GPC6: variants seen among roughly 807,000 people sequenced by gnomAD.
GPC6 encodes glypican 6, also known as glypican-6.
A neutral mutation model predicts 55.2 loss-of-function variants in GPC6; 14 were observed. The observed-to-expected ratio is 0.25, with a 90% CI of 0.17 to 0.40. GPC6 has a LOEUF of 0.40. Ranked by LOEUF, GPC6 falls within the 10% of genes least tolerant of loss-of-function variation. The pLI is 1.00. For synonymous variants in GPC6, 278 were observed against 259.6 expected (o/e 1.07, Z -0.68); for missense variants, 641 against 708.5 (o/e 0.90, Z 1.08).
chr13:93,687,499 A>G (rs919259231), intron 2 of GPC6, among the ~76,000 whole-genome samples: 1 of 152,090 alleles, frequency 6.6e-6, no homozygotes, highest in African/African-American at 2.4e-5. Flanking sequence ...TTGGTGTGCT[A>G]TATTAAGTAG....
intron 1 of GPC6, among the ~76,000 whole-genome samples, chr13:93,446,717 T>C (rs1413260339): frequency 6.6e-6 from 1 of 152,224 alleles, no homozygotes; most frequent in Non-Finnish European, 1.5e-5. Context: ...GAAAGATATG[T>C]AGAAATTGTC....
chr13:93,741,002 T>C (rs1241953782), intron 2 of GPC6, among the ~76,000 whole-genome samples: 1 of 152,160 alleles, frequency 6.6e-6, no homozygotes, highest in Non-Finnish European at 1.5e-5. Context: ...TAGAAAAACA[T>C]GATGCTATTG....
intron 1 of GPC6, among the ~76,000 whole-genome samples, chr13:93,338,357 A>G (rs1015331288): frequency 7.9e-5 from 12 of 152,192 alleles, no homozygotes; most frequent in African/African-American, 2.9e-4. Flanking sequence ...GCCAGACCAG[A>G]AAATCAGGAA....
At chr13:93,768,129 G>C (rs1885181505) in intron 2 of GPC6, among the ~76,000 whole-genome samples, 1 of 152,146 alleles carries the variant, frequency 6.6e-6, no homozygotes, top group African/African-American at 2.4e-5. Context: ...CACATTCAAG[G>C]CACAGACCTG....
intron 4 of GPC6, among the ~76,000 whole-genome samples, chr13:94,275,910 A>T (rs1892187631): frequency 6.6e-6 from 1 of 152,334 alleles, no homozygotes. Flanking sequence ...ATGGACAAAG[A>T]TCCAAACGTT....
chr13:94,266,617 T>C (rs1156384722), intron 4 of GPC6, among the ~76,000 whole-genome samples: 1 of 151,588 alleles, frequency 6.6e-6, no homozygotes, highest in Non-Finnish European at 1.5e-5. Context: ...GCCCCAGTTA[T>C]CTCTGCTCCC....
intron 5 of GPC6, among the ~76,000 whole-genome samples, chr13:94,298,108 G>T (rs368970284): frequency 6.6e-6 from 1 of 151,700 alleles, no homozygotes; most frequent in African/African-American, 2.4e-5. Context: ...AGAAAAAGTC[G>T]TCATCAAGAT....
At chr13:94,361,348 C>T (rs916474023) in intron 6 of GPC6, among the ~76,000 whole-genome samples, 4 of 152,210 alleles carry the variant, frequency 2.6e-5, no homozygotes, top group Non-Finnish European at 5.9e-5. Context: ...GTAGTTGCCA[C>T]GTTCAAATTC....
intron 6 of GPC6, among the ~76,000 whole-genome samples, chr13:94,322,443 T>C (rs1876875495): frequency 6.6e-6 from 1 of 152,174 alleles, no homozygotes; most frequent in Non-Finnish European, 1.5e-5. Flanking sequence ...CTGGAATGCC[T>C]GGGGCAGGGG....
intron 2 of GPC6, among the ~76,000 whole-genome samples, chr13:93,565,116 C>G (rs186361946): frequency 6.6e-6 from 1 of 152,026 alleles, no homozygotes; most frequent in Admixed American, 6.5e-5. Context: ...ATTTTTTTCT[C>G]CCACTTGCCC....
At chr13:93,758,337 G>T (rs969782310) in intron 2 of GPC6, among the ~76,000 whole-genome samples, 1 of 152,172 alleles carries the variant, frequency 6.6e-6, no homozygotes, top group Non-Finnish European at 1.5e-5. Context: ...TGTTATGACT[G>T]AGGTATTGAG....
At chr13:93,282,582 A>G (rs1411105390) in intron 1 of GPC6, among the ~76,000 whole-genome samples, 1 of 152,160 alleles carries the variant, frequency 6.6e-6, no homozygotes, top group Non-Finnish European at 1.5e-5. Context: ...ATATAAGAAG[A>G]ACAGAGCAAA....
chr13:93,731,481 C>A (rs1883818167), intron 2 of GPC6, among the ~76,000 whole-genome samples: 1 of 152,156 alleles, frequency 6.6e-6, no homozygotes. Context: ...GGTTCTATCT[C>A]CTTCACAAAC....
chr13:93,300,631 G>A (rs1336807163), intron 1 of GPC6, among the ~76,000 whole-genome samples: 1 of 137,976 alleles, frequency 7.2e-6, no homozygotes, highest in African/African-American at 2.8e-5. Flanking sequence ...CTGGGCCACA[G>A]AGCCAGACTC....
chr13:93,554,349 C>T (rs1246551178), intron 2 of GPC6, among the ~76,000 whole-genome samples: 1 of 152,146 alleles, frequency 6.6e-6, no homozygotes, highest in African/African-American at 2.4e-5. Context: ...GACTCAATTC[C>T]AGGCTACTTA....
intron 1 of GPC6, among the ~76,000 whole-genome samples, chr13:93,519,858 G>A (rs184713036): frequency 3.3e-5 from 5 of 152,028 alleles, no homozygotes; most frequent in East Asian, 1.9e-4. Flanking sequence ...AAAATTCAAC[G>A]TCTTTAAAAG....
intron 2 of GPC6, among the ~76,000 whole-genome samples, chr13:93,613,820 C>A (rs1237362309): frequency 6.6e-6 from 1 of 152,150 alleles, no homozygotes; most frequent in Non-Finnish European, 1.5e-5. Context: ...AGTCCCACAA[C>A]CCTGGATGTC....
chr13:93,674,129 T>G (rs1416386021), intron 2 of GPC6, among the ~76,000 whole-genome samples: 1 of 152,102 alleles, frequency 6.6e-6, no homozygotes, highest in Admixed American at 6.6e-5. Context: ...AATGAAACAC[T>G]GTGTTAACCT....
intron 4 of GPC6, among the ~76,000 whole-genome samples, chr13:94,036,991 A>C (rs552833804): frequency 6.6e-6 from 1 of 152,110 alleles, no homozygotes; most frequent in South Asian, 2.1e-4. Flanking sequence ...AAAATAGTTG[A>C]GTGTTCCAAA....
Sources: gnomAD v4.1 joint callset for allele counts (sites outside exome capture counted in the v4.1 genomes callset) on GRCh38, gnomAD v4.1.1 for gene constraint, MANE v1.5 for transcripts, NCBI Gene and HGNC (gene_info 2026-07-23, HGNC 2026-07-21) for gene names.